The following KLRC1 variants were observed in gnomAD, a reference collection of about 807,000 sequenced individuals.
KLRC1 encodes the protein killer cell lectin like receptor C1, also known as NKG2-A/NKG2-B type II integral membrane protein.
A neutral mutation model predicts 25.9 loss-of-function variants in KLRC1; 22 were observed. The ratio of observed to expected loss-of-function variants is 0.85; its 90% CI spans 0.61 to 1.21. KLRC1 has a LOEUF of 1.21. KLRC1 is among the 50% of genes most tolerant of loss of function. The probability of loss-of-function intolerance (pLI) is 0.00; values close to 1 mark genes in which losing one functional copy is unlikely to be tolerated. For missense variants in KLRC1, 240 were observed against 272.2 expected, an observed-to-expected ratio of 0.88 and a Z score of 0.83; for synonymous variants, 77 against 93.1, an observed-to-expected ratio of 0.83 and a Z score of 0.99.
At chr12:10,450,628 C>A in intron 2 of KLRC1, 49 bp from the exon 3 acceptor site, 2 of 1,179,606 alleles carry the variant, frequency 1.7e-6, no homozygotes, top group South Asian at 2.5e-5. Context: ...TGGATACAGT[C>A]GTTTAGAAGA....
intron 4 of KLRC1, 88 bp downstream of exon 4, chr12:10,449,826 T>C (rs1864083414): frequency 1.8e-6 from 2 of 1,118,940 alleles, no homozygotes; most frequent in Middle Eastern, 2.1e-4. Context: ...AATTTTATAA[T>C]TTTTCACCCA....
At chr12:10,449,656 C>T (rs1383343831) in intron 4 of KLRC1, among the ~76,000 whole-genome samples, 3 of 152,056 alleles carry the variant, frequency 2.0e-5, no homozygotes, top group Non-Finnish European at 4.4e-5. Context: ...AATCAATGAA[C>T]TAATCTGATT....
intron 2 of KLRC1, 76 bp from the exon 3 acceptor site, chr12:10,450,655 C>T (rs961373858): frequency 3.3e-6 from 3 of 896,050 alleles, no homozygotes; most frequent in Non-Finnish European, 5.5e-6. Context: ...GACAAGAGAA[C>T]CTGAATGCAC....
At chr12:10,453,896 T>C (rs1864167962), upstream of KLRC1, among the ~76,000 whole-genome samples, 1 of 152,208 alleles carries the variant, frequency 6.6e-6, no homozygotes, top group African/African-American at 2.4e-5. Context: ...ATAGATTATT[T>C]AATCTTCAGA....
At chr12:10,445,242 T>G, downstream of KLRC1, among the ~76,000 whole-genome samples, 1 of 152,040 alleles carries the variant, frequency 6.6e-6, no homozygotes, top group Admixed American at 6.6e-5. Flanking sequence ...ATGAGGGAAA[T>G]ATACAATGAT....
rs1433849794 is a variant in KLRC1, at chr12:10,449,998, A to C, written c.284-31T>G. On this transcript the variant is annotated intron_variant, in intron 3 of 6. Coordinates refer to ENST00000359151, the MANE Select transcript of KLRC1 (RefSeq NM_002259.5). Reference sequence around the variant, plus strand: ...AAAATTAAAGTAATCTTTGTAAAAAAATTAGCATCTAAATCAATCATAATA... The same window carrying C: ...AAAATTAAAGTAATCTTTGTAAAAACATTAGCATCTAAATCAATCATAATA... 7 of 1,384,040 alleles carry C rather than the reference A, an allele frequency of 5.1e-6. 1 individual carries two copies. Among genetic ancestry groups the C allele is most frequent in the Non-Finnish European group, 6.7e-6 (7 of 1,043,036 alleles). The allele number at this position is 1,384,040 out of a possible 1,614,324, so 85.7% of individuals were successfully genotyped here. A position where few individuals can be genotyped will look rare whatever the true frequency, so the allele number is the denominator to read the frequency against.
At chr12:10,454,455 C>T (rs1018259653), upstream of KLRC1, 1 of 211,326 alleles carries the variant, frequency 4.7e-6, no homozygotes, top group Non-Finnish European at 8.2e-6. Flanking sequence ...GAGACTCACA[C>T]ACTAGTGTCT....
downstream of KLRC1, among the ~76,000 whole-genome samples, chr12:10,445,274 A>G (rs988143440): frequency 1.1e-4 from 16 of 152,128 alleles, no homozygotes; most frequent in Non-Finnish European, 8.8e-5. Context: ...TATTTCAGAA[A>G]CAAAGGCTGG....
At chr12:10,452,633 A>C (rs1192097714) in intron 1 of KLRC1, among the ~76,000 whole-genome samples, 1 of 152,198 alleles carries the variant, frequency 6.6e-6, no homozygotes, top group African/African-American at 2.4e-5. Context: ...TGGAAAATAA[A>C]TCTTCAGATA....
chr12:10,453,821 A>T (rs1405420825), upstream of KLRC1, among the ~76,000 whole-genome samples: 2 of 152,160 alleles, frequency 1.3e-5, no homozygotes, highest in Admixed American at 1.3e-4. Context: ...CACAAAAAGC[A>T]TCATTGCCAA....
At chr12:10,446,873 A>G (rs1269680830) in intron 6 of KLRC1, among the ~76,000 whole-genome samples, 1 of 152,226 alleles carries the variant, frequency 6.6e-6, no homozygotes. Context: ...TGGATGCCTG[A>G]AACGGCAGAT....
intron 5 of KLRC1, among the ~76,000 whole-genome samples, chr12:10,448,848 G>C (rs970825736): frequency 6.6e-6 from 1 of 152,184 alleles, no homozygotes; most frequent in Non-Finnish European, 1.5e-5. Flanking sequence ...GTCAGGATAA[G>C]TGATGAGGGC....
upstream of KLRC1, among the ~76,000 whole-genome samples, chr12:10,453,777 T>C (rs1296680936): frequency 2.6e-5 from 4 of 152,046 alleles, no homozygotes; most frequent in African/African-American, 9.7e-5. Context: ...TTCTGAAAAA[T>C]TACTGCAGTA....
intron 5 of KLRC1, 77 bp downstream of exon 5, chr12:10,449,160 C>G: frequency 6.4e-7 from 1 of 1,572,924 alleles, no homozygotes; most frequent in East Asian, 2.2e-5. Flanking sequence ...TATACCCACA[C>G]ATATGGATGA....
chr12:10,454,607 T>A, upstream of KLRC1: 2 of 985,322 alleles, frequency 2.0e-6, no homozygotes, highest in Non-Finnish European at 2.4e-6. Context: ...TCTGTACCTC[T>A]GGGGCATGCT....
At chr12:10,450,940 G>A in intron 2 of KLRC1, 30 bp downstream of exon 2, 2 of 1,527,150 alleles carry the variant, frequency 1.3e-6, no homozygotes, top group Non-Finnish European at 1.8e-6. Context: ...ATCCTAGACT[G>A]TTATATTGAG....
chr12:10,452,283 T>C (rs1370101319), intron 1 of KLRC1, among the ~76,000 whole-genome samples: 4 of 152,158 alleles, frequency 2.6e-5, no homozygotes, highest in Non-Finnish European at 5.9e-5. Flanking sequence ...AGAATGATTT[T>C]ATGGTTGTCA....
Position 10,451,128 on chromosome 12 carries a change from T to TC in KLRC1, c.28dup (p.Asp10GlyfsTer16). On this transcript the variant is annotated frameshift_variant, in exon 2 of 7. Transcript: ENST00000359151. LOFTEE classifies it high-confidence loss of function. ...CTTTGGGTTTGGGGGCAGATTCAGG[T>TC]CTGAGTAGATTACTCCTTGGTTATC... The TC allele has an allele frequency of 6.2e-7, 1 of 1,613,930 alleles. No homozygotes were observed. The highest frequency in any genetic ancestry group is 8.5e-7 in the Non-Finnish European group (1 of 1,179,898).
intron 1 of KLRC1, among the ~76,000 whole-genome samples, chr12:10,452,273 A>G (rs1864141364): frequency 6.6e-6 from 1 of 152,172 alleles, no homozygotes; most frequent in African/African-American, 2.4e-5. Flanking sequence ...TTAAACTTAT[A>G]GAATGATTTT....
Sources: allele counts gnomAD v4.1 joint callset (sites outside exome capture counted in the v4.1 genomes callset), GRCh38; gene constraint gnomAD v4.1.1; transcripts MANE v1.5; gene names NCBI Gene and HGNC (gene_info 2026-07-23, HGNC 2026-07-21).